CCSER1: variants seen among roughly 807,000 people sequenced by gnomAD.
The protein encoded by CCSER1 is coiled-coil serine rich protein 1, also known as serine-rich coiled-coil domain-containing protein 1.
A neutral mutation model predicts 82.0 loss-of-function variants in CCSER1; 41 were observed. The observed-to-expected ratio is 0.50, with a 90% CI of 0.39 to 0.65. The LOEUF (loss-of-function observed/expected upper bound fraction) is 0.65, where lower values mean the gene tolerates loss of function less well. Ranked by LOEUF, CCSER1 falls within the 30% of genes least tolerant of loss-of-function variation. The pLI is 0.00. For synonymous variants in CCSER1, 414 were observed against 383.9 expected (o/e 1.08, Z -0.92); for missense variants, 1,119 against 1,064.2 (o/e 1.05, Z -0.72).
chr4:91,082,528 A>T (rs1274151397), intron 9 of CCSER1, among the ~76,000 whole-genome samples: 1 of 152,222 alleles, frequency 6.6e-6, no homozygotes, highest in African/African-American at 2.4e-5. Flanking sequence ...AAACACCAAA[A>T]GCAATGGCAA....
intron 10 of CCSER1, among the ~76,000 whole-genome samples, chr4:91,413,642 G>A (rs1434707792): frequency 1.3e-5 from 2 of 152,036 alleles, no homozygotes; most frequent in Non-Finnish European, 2.9e-5. Context: ...ATTTAAAGAA[G>A]TACTTACTGA....
At chr4:90,391,444 G>GGATATA (rs1465114730) in intron 3 of CCSER1, among the ~76,000 whole-genome samples, 1 of 37,474 alleles carries the variant, frequency 2.7e-5, no homozygotes, top group African/African-American at 1.0e-4. Flanking sequence ...ATATATGGGG[G>GGATATA]TATATATATA....
intron 10 of CCSER1, among the ~76,000 whole-genome samples, chr4:91,119,086 C>A (rs1726872361): frequency 6.6e-6 from 1 of 151,452 alleles, no homozygotes. Flanking sequence ...TAAAAAGGGG[C>A]AGATGTTCTT....
chr4:90,532,558 C>T (rs544347527), intron 5 of CCSER1, among the ~76,000 whole-genome samples: 147 of 152,164 alleles, frequency 9.7e-4, no homozygotes, highest in East Asian at 3.5e-3. Flanking sequence ...GTAATTATCT[C>T]AGGCTTTGCA....
At chr4:91,213,236 T>C (rs1736977910) in intron 10 of CCSER1, among the ~76,000 whole-genome samples, 1 of 152,156 alleles carries the variant, frequency 6.6e-6, no homozygotes, top group African/African-American at 2.4e-5. Context: ...ACTTTTGATA[T>C]GGATGTTTGT....
intron 5 of CCSER1, among the ~76,000 whole-genome samples, chr4:90,490,559 G>T (rs1224273356): frequency 1.3e-5 from 2 of 152,068 alleles, no homozygotes; most frequent in African/African-American, 2.4e-5. Context: ...AGCTTTTGTT[G>T]CCATTGCTTT....
At chr4:90,958,819 G>GAA (rs1733776016) in intron 9 of CCSER1, among the ~76,000 whole-genome samples, 1 of 152,106 alleles carries the variant, frequency 6.6e-6, no homozygotes, top group South Asian at 2.1e-4. Context: ...ATAAATACTT[G>GAA]TTGTTTAAGC....
intron 1 of CCSER1, among the ~76,000 whole-genome samples, chr4:90,208,974 C>T (rs1305223058): frequency 2.0e-5 from 3 of 152,150 alleles, no homozygotes; most frequent in Non-Finnish European, 4.4e-5. Context: ...CACCGAGTGC[C>T]AAACATCTAC....
chr4:90,475,700 T>C (rs568702121), intron 5 of CCSER1, among the ~76,000 whole-genome samples: 1 of 152,190 alleles, frequency 6.6e-6, no homozygotes, highest in East Asian at 1.9e-4. Context: ...TGTAGTGTTT[T>C]TGTGAATTAT....
At chr4:90,644,278 C>T (rs2149000501) in intron 6 of CCSER1, among the ~76,000 whole-genome samples, 1 of 152,226 alleles carries the variant, frequency 6.6e-6, no homozygotes, top group South Asian at 2.1e-4. Context: ...CATATACATC[C>T]TAAGCACACA....
chr4:90,336,954 C>G (rs926016052), intron 3 of CCSER1, among the ~76,000 whole-genome samples: 2 of 152,120 alleles, frequency 1.3e-5, no homozygotes, highest in Non-Finnish European at 2.9e-5. Context: ...GTGAACACAT[C>G]ACAAATGGTT....
intron 10 of CCSER1, among the ~76,000 whole-genome samples, chr4:91,469,756 T>C (rs527677272): frequency 6.6e-6 from 1 of 152,358 alleles, no homozygotes; most frequent in East Asian, 1.9e-4. Flanking sequence ...TACTTATTAA[T>C]AAGTGTCTAG....
intron 4 of CCSER1, among the ~76,000 whole-genome samples, chr4:90,402,988 A>G (rs955151936): frequency 1.3e-5 from 2 of 152,204 alleles, no homozygotes; most frequent in Non-Finnish European, 2.9e-5. Context: ...GCATACATGA[A>G]GTGCAATTCT....
At chr4:91,479,580 G>A (rs1017444922) in intron 10 of CCSER1, among the ~76,000 whole-genome samples, 9 of 151,564 alleles carry the variant, frequency 5.9e-5, no homozygotes, top group Middle Eastern at 3.2e-3. Context: ...TATTGGTTGA[G>A]TCTCAATTTT....
At position 90,376,203 on chromosome 4, in the gene CCSER1, T is replaced by C. The variant is rs111714770; in HGVS notation, c.1510-23833T>C. ...TCAAAATTAGGCTGCCTGTGGTTAC[T>C]CAGGGGATCTTCTTGGAAGAGTGTT... On this transcript the variant is annotated intron_variant, in intron 3 of 10. Coordinates refer to ENST00000509176, the MANE Select transcript of CCSER1 (RefSeq NM_001145065.2). 3.4e-3 allele frequency among the ~76,000 whole-genome samples: 520 copies of C among 152,324 alleles called. 4 individuals carry two copies. The highest frequency in any genetic ancestry group is 0.011 in the African/African-American group (477 of 41,570).
intron 10 of CCSER1, among the ~76,000 whole-genome samples, chr4:91,480,416 C>G (rs529589185): frequency 6.6e-6 from 1 of 152,318 alleles, no homozygotes; most frequent in Non-Finnish European, 1.5e-5. Flanking sequence ...TGTTTCCTGA[C>G]ATTTTAATGA....
intron 5 of CCSER1, among the ~76,000 whole-genome samples, chr4:90,627,411 T>C (rs1723486816): frequency 6.6e-6 from 1 of 151,830 alleles, no homozygotes; most frequent in Non-Finnish European, 1.5e-5. Context: ...AATTATATGA[T>C]ATAAAAATAT....
intron 10 of CCSER1, among the ~76,000 whole-genome samples, chr4:91,118,805 A>G (rs1166703333): frequency 6.6e-6 from 1 of 152,174 alleles, no homozygotes; most frequent in Non-Finnish European, 1.5e-5. Flanking sequence ...AGACTGTGTC[A>G]TTTTGAAAAT....
intron 5 of CCSER1, among the ~76,000 whole-genome samples, chr4:90,486,056 A>G (rs533619021): frequency 3.9e-5 from 6 of 152,276 alleles, no homozygotes; most frequent in African/African-American, 1.4e-4. Context: ...CCTAATCAAC[A>G]ATTGTAGATG....
Sources: gnomAD v4.1 joint callset for allele counts (sites outside exome capture counted in the v4.1 genomes callset) on GRCh38, gnomAD v4.1.1 for gene constraint, MANE v1.5 for transcripts, NCBI Gene and HGNC (gene_info 2026-07-23, HGNC 2026-07-21) for gene names.